Variants in RAD51B observed in about 807,000 individuals in gnomAD.
The protein encoded by RAD51B is DNA repair protein RAD51 homolog 2.
RAD51B carries 38 observed loss-of-function variants against 42.2 expected under a neutral mutation model. That is an observed-to-expected ratio of 0.90 (90% CI 0.70 to 1.18). The LOEUF (loss-of-function observed/expected upper bound fraction) is 1.18, where lower values mean the gene tolerates loss of function less well. Ranked by LOEUF, RAD51B falls within the 50% of genes most tolerant of loss-of-function variation. RAD51B has a pLI of 0.00. For synonymous variants in RAD51B, 154 were observed against 145.2 expected, an observed-to-expected ratio of 1.06 and a Z score of -0.43; for missense variants, 373 against 400.7, an observed-to-expected ratio of 0.93 and a Z score of 0.59.
chr14:68,171,677 A>G (rs2078874358), intron 7 of RAD51B, among the ~76,000 whole-genome samples: 1 of 151,820 alleles, frequency 6.6e-6, no homozygotes, highest in South Asian at 2.1e-4. Flanking sequence ...GTAGGCAGTG[A>G]TTACCTTTCA....
chr14:68,332,302 C>A (rs1365803908), intron 8 of RAD51B, among the ~76,000 whole-genome samples: 1 of 152,162 alleles, frequency 6.6e-6, no homozygotes, highest in Non-Finnish European at 1.5e-5. Context: ...GAGATACACA[C>A]ACACACACAT....
At chr14:68,114,322 T>C (rs2077506117) in intron 7 of RAD51B, among the ~76,000 whole-genome samples, 1 of 152,134 alleles carries the variant, frequency 6.6e-6, no homozygotes, top group East Asian at 1.9e-4. Flanking sequence ...GATTATTTTC[T>C]GTCACATAAT....
intron 7 of RAD51B, among the ~76,000 whole-genome samples, chr14:67,934,930 T>G (rs911244573): frequency 6.6e-6 from 1 of 152,232 alleles, no homozygotes; most frequent in Non-Finnish European, 1.5e-5. Flanking sequence ...CTTCTGACTT[T>G]GAATGCTTTC....
At chr14:68,621,275 G>T (rs1265534389) in intron 10 of RAD51B, among the ~76,000 whole-genome samples, 4 of 152,102 alleles carry the variant, frequency 2.6e-5, no homozygotes, top group African/African-American at 9.7e-5. Context: ...TTTCATCCAG[G>T]CCTGTGGGGT....
chr14:68,526,787 G>A (rs1886961769), intron 10 of RAD51B, among the ~76,000 whole-genome samples: 1 of 152,202 alleles, frequency 6.6e-6, no homozygotes, highest in Non-Finnish European at 1.5e-5. Context: ...AGGCCGCTTG[G>A]TTCTTCTGGA....
At chr14:67,886,051 G>T in intron 6 of RAD51B, 63 bp downstream of exon 6, 1 of 1,320,748 alleles carries the variant, frequency 7.6e-7, no homozygotes, top group Non-Finnish European at 1.0e-6. Context: ...TATCTTTTAT[G>T]TTTCAGCTTC....
chr14:67,829,861 T>A (rs1283449909), intron 3 of RAD51B, among the ~76,000 whole-genome samples: 2 of 152,104 alleles, frequency 1.3e-5, no homozygotes, highest in African/African-American at 2.4e-5. Context: ...TAGTGCTAAA[T>A]CCTATGAAGG....
chr14:67,857,408 A>C (rs901863489), intron 4 of RAD51B, among the ~76,000 whole-genome samples: 1 of 152,250 alleles, frequency 6.6e-6, no homozygotes, highest in Non-Finnish European at 1.5e-5. Flanking sequence ...GAATCAGTAC[A>C]TAAAAATAAT....
chr14:68,400,405 C>T (rs1163358611), intron 8 of RAD51B, among the ~76,000 whole-genome samples: 3 of 152,176 alleles, frequency 2.0e-5, no homozygotes, highest in African/African-American at 4.8e-5. Context: ...TTTTCCAGCA[C>T]TCAGGGATAT....
chr14:68,629,496 G>T (rs1892175218), intron 10 of RAD51B, among the ~76,000 whole-genome samples: 1 of 152,182 alleles, frequency 6.6e-6, no homozygotes. Flanking sequence ...TGGTCTTAAC[G>T]TTTATTCTTA....
chr14:68,009,331 C>A (rs903611453), intron 7 of RAD51B, among the ~76,000 whole-genome samples: 1 of 151,776 alleles, frequency 6.6e-6, no homozygotes, highest in Non-Finnish European at 1.5e-5. Flanking sequence ...GGTTTAAATA[C>A]CTGCTCTCTA....
At chr14:68,456,808 T>G (rs1189912451) in intron 9 of RAD51B, among the ~76,000 whole-genome samples, 1 of 145,196 alleles carries the variant, frequency 6.9e-6, no homozygotes, top group African/African-American at 2.5e-5. Context: ...AGACTACAAG[T>G]TGAGCCTCAA....
chr14:68,095,470 A>C (rs998353558), intron 7 of RAD51B, among the ~76,000 whole-genome samples: 1 of 152,142 alleles, frequency 6.6e-6, no homozygotes, highest in Non-Finnish European at 1.5e-5. Flanking sequence ...GTATGAAAAA[A>C]AAAGAAGTCT....
intron 7 of RAD51B, among the ~76,000 whole-genome samples, chr14:68,070,390 T>C (rs1460571758): frequency 6.6e-6 from 1 of 152,202 alleles, no homozygotes; most frequent in African/African-American, 2.4e-5. Flanking sequence ...TAGATTTTCT[T>C]TTAGGGTCTT....
intron 7 of RAD51B, among the ~76,000 whole-genome samples, chr14:67,954,744 G>T (rs1187904902): frequency 2.0e-5 from 3 of 152,168 alleles, no homozygotes; most frequent in African/African-American, 4.8e-5. Flanking sequence ...GTCAAGGGAA[G>T]ACTTTTTTCT....
At chr14:68,402,182 A>C (rs1365795201) in intron 8 of RAD51B, among the ~76,000 whole-genome samples, 1 of 152,234 alleles carries the variant, frequency 6.6e-6, no homozygotes, top group Non-Finnish European at 1.5e-5. Context: ...GTGGTCTCAC[A>C]GAGCTTGTAG....
chr14:68,108,364 C>T lies in RAD51B; in HGVS notation c.757-183520C>T, dbSNP rs182942057. Among the ~76,000 whole-genome samples, 532 of 151,888 alleles carry T rather than the reference C, an allele frequency of 3.5e-3. 1 individual carries two copies. The highest frequency in any genetic ancestry group is 0.012 in the African/African-American group (511 of 41,460). ...TCATAATAGTCAGAAAGTGGAAACA[C>T]CTAAATGTCTCTCAACTGATGAATG... On this transcript the variant is annotated intron_variant, in intron 7 of 10. Coordinates refer to ENST00000471583, the MANE Select transcript of RAD51B (RefSeq NM_133510.4).
chr14:68,204,941 A>T (rs760729526), intron 7 of RAD51B, among the ~76,000 whole-genome samples: 33 of 152,214 alleles, frequency 2.2e-4, no homozygotes, highest in Middle Eastern at 3.2e-3. Flanking sequence ...AAGAAGTGAA[A>T]AGTAGGTTAT....
chr14:68,527,544 A>T (rs1239339820), intron 10 of RAD51B, among the ~76,000 whole-genome samples: 1 of 152,218 alleles, frequency 6.6e-6, no homozygotes, highest in Non-Finnish European at 1.5e-5. Flanking sequence ...GGAGAAAGAG[A>T]ATATGCTGTG....
Sources: gnomAD v4.1 joint callset for allele counts (sites outside exome capture counted in the v4.1 genomes callset) on GRCh38, gnomAD v4.1.1 for gene constraint, MANE v1.5 for transcripts, NCBI Gene and HGNC (gene_info 2026-07-23, HGNC 2026-07-21) for gene names.